The following EYS variants were observed in gnomAD, a reference collection of about 807,000 sequenced individuals.
EYS encodes EGF-like photoreceptor maintenance factor.
In EYS, 250 loss-of-function variants were observed where a neutral mutation model predicts 282.1. That is an observed-to-expected ratio of 0.89 (90% CI 0.80 to 0.98). EYS has a LOEUF of 0.98. Among genes scored for constraint, EYS ranks in the 50% least tolerant of loss-of-function variants. EYS has a pLI of 0.00. For missense variants in EYS, 4,016 were observed against 3,709.0 expected (o/e 1.08, Z -2.15); for synonymous variants, 1,355 against 1,282.9 (o/e 1.06, Z -1.20).
chr6:65,319,849 A>G (rs900283823), intron 11 of EYS, among the ~76,000 whole-genome samples: 14 of 152,174 alleles, frequency 9.2e-5, no homozygotes, highest in Non-Finnish European at 1.8e-4. Flanking sequence ...ATAATCATTG[A>G]AAGAGAGCTA....
At chr6:64,155,506 T>G (rs759644669) in intron 31 of EYS, among the ~76,000 whole-genome samples, 1 of 151,956 alleles carries the variant, frequency 6.6e-6, no homozygotes, top group African/African-American at 2.4e-5. Context: ...AAGAGGCACA[T>G]GCATTGGGGT....
intron 2 of EYS, among the ~76,000 whole-genome samples, chr6:65,518,921 T>G (rs1170981097): frequency 1.3e-5 from 2 of 152,052 alleles, no homozygotes; most frequent in Non-Finnish European, 2.9e-5. Flanking sequence ...ACCAGGTCTC[T>G]CCCATGACAC....
chr6:64,371,842 C>T (rs986902044), intron 29 of EYS, among the ~76,000 whole-genome samples: 4 of 151,950 alleles, frequency 2.6e-5, no homozygotes, highest in African/African-American at 9.7e-5. Flanking sequence ...GCACCCCTTG[C>T]CTTTTTGTTT....
intron 32 of EYS, among the ~76,000 whole-genome samples, chr6:64,069,149 T>C: frequency 6.6e-6 from 1 of 151,980 alleles, no homozygotes; most frequent in East Asian, 1.9e-4. Context: ...AGCTTGACTT[T>C]AGCCCCATAA....
intron 35 of EYS, among the ~76,000 whole-genome samples, chr6:63,906,809 A>G (rs138275291): frequency 1.2e-4 from 19 of 152,122 alleles, no homozygotes; most frequent in African/African-American, 4.3e-4. Context: ...GCTTTTATAC[A>G]TATATATAAA....
intron 22 of EYS, among the ~76,000 whole-genome samples, chr6:64,644,209 T>C (rs1017125427): frequency 2.0e-4 from 30 of 152,180 alleles, no homozygotes; most frequent in African/African-American, 6.5e-4. Flanking sequence ...ATAAATAATT[T>C]CTGGACGAGT....
chr6:64,761,582 G>A (rs971366697), intron 22 of EYS, among the ~76,000 whole-genome samples: 3 of 152,032 alleles, frequency 2.0e-5, no homozygotes, highest in East Asian at 3.9e-4. Flanking sequence ...TCAGCCTCCC[G>A]AGCAGCTGGG....
At chr6:65,655,420 AG>A (rs1767786449) in intron 1 of EYS, among the ~76,000 whole-genome samples, 1 of 151,672 alleles carries the variant, frequency 6.6e-6, no homozygotes, top group Non-Finnish European at 1.5e-5. Flanking sequence ...TGTTGTTTAT[AG>A]TATATATAGT....
intron 13 of EYS, among the ~76,000 whole-genome samples, chr6:65,039,887 AAAAT>A (rs200839090): frequency 0.012 from 1,801 of 151,746 alleles, 35 homozygotes; most frequent in African/African-American, 0.041. Context: ...GACAAACAAG[AAAAT>A]AAATAAATAA....
At chr6:65,201,508 A>G (rs1437101883) in intron 12 of EYS, among the ~76,000 whole-genome samples, 1 of 152,164 alleles carries the variant, frequency 6.6e-6, no homozygotes. Flanking sequence ...GACTAAATTG[A>G]AAAATCTTTC....
At chr6:64,549,104 CA>C (rs1178171532) in intron 26 of EYS, among the ~76,000 whole-genome samples, 2 of 152,190 alleles carry the variant, frequency 1.3e-5, no homozygotes, top group Non-Finnish European at 2.9e-5. Context: ...TCAATAGCTA[CA>C]AAAACTATCC....
chr6:64,837,465 G>A (rs1765416463), intron 19 of EYS, among the ~76,000 whole-genome samples: 1 of 151,056 alleles, frequency 6.6e-6, no homozygotes, highest in South Asian at 2.1e-4. Flanking sequence ...AAATAGTACT[G>A]ACAGTTCTGG....
intron 28 of EYS, among the ~76,000 whole-genome samples, chr6:64,427,169 A>G (rs887773195): frequency 6.6e-6 from 1 of 152,184 alleles, no homozygotes; most frequent in East Asian, 1.9e-4. Context: ...ATCTGACAGG[A>G]TTATCTAGGA....
intron 2 of EYS, among the ~76,000 whole-genome samples, chr6:65,502,755 C>A (rs1462036058): frequency 2.6e-5 from 4 of 151,446 alleles, no homozygotes; most frequent in African/African-American, 4.8e-5. Flanking sequence ...TTGTAGAAAA[C>A]CCTGCAGTTA....
chr6:64,278,845 C>A (rs1768207401), intron 30 of EYS, among the ~76,000 whole-genome samples: 1 of 152,126 alleles, frequency 6.6e-6, no homozygotes, highest in East Asian at 1.9e-4. Flanking sequence ...CTTACTGTAA[C>A]CTCGAACTCC....
chr6:63,860,286 A>C (rs1397808460), intron 36 of EYS, among the ~76,000 whole-genome samples: 1 of 152,180 alleles, frequency 6.6e-6, no homozygotes, highest in African/African-American at 2.4e-5. Flanking sequence ...TTTGTGACTC[A>C]AAAATATTGA....
At chr6:64,025,958 T>G (rs1769484734) in intron 33 of EYS, among the ~76,000 whole-genome samples, 1 of 152,224 alleles carries the variant, frequency 6.6e-6, no homozygotes, top group Admixed American at 6.5e-5. Flanking sequence ...TTTTTCTTGG[T>G]CAGTCCTCCT....
intron 35 of EYS, among the ~76,000 whole-genome samples, chr6:63,945,873 C>T (rs1392616335): frequency 1.3e-5 from 2 of 152,198 alleles, no homozygotes; most frequent in African/African-American, 4.8e-5. Context: ...CTCACACTAT[C>T]ATATCAGATC....
Position 64,106,684 on chromosome 6 carries a change from C to A in EYS, c.6425-24682G>T, listed in dbSNP as rs147175660. 7.3e-3 allele frequency among the ~76,000 whole-genome samples: 1,109 copies of A among 151,542 alleles called. 23 individuals carry two copies. The highest frequency in any genetic ancestry group is 0.025 in the African/African-American group (1,021 of 41,366). Reference sequence around the variant, plus strand: ...TTTGGCATTTATCGTGCTTGGTGTTCTTTGGGCTTCCTGGGTTTGCGGTTT... The same window carrying A: ...TTTGGCATTTATCGTGCTTGGTGTTATTTGGGCTTCCTGGGTTTGCGGTTT... On this transcript the variant is annotated intron_variant, in intron 31 of 42. Transcript: ENST00000503581.
Sources: allele counts gnomAD v4.1 joint callset (sites outside exome capture counted in the v4.1 genomes callset), GRCh38; gene constraint gnomAD v4.1.1; transcripts MANE v1.5; gene names NCBI Gene and HGNC (gene_info 2026-07-23, HGNC 2026-07-21).